PRKX: variants seen among roughly 807,000 people sequenced by gnomAD.
The protein encoded by PRKX is cAMP-dependent protein kinase catalytic subunit PRKX.
In PRKX, 12 loss-of-function variants were observed where a neutral mutation model predicts 22.0. The observed-to-expected ratio is 0.54, with a 90% CI of 0.35 to 0.88. The LOEUF is 0.88. PRKX is among the 40% of genes least tolerant of loss of function. The probability of loss-of-function intolerance (pLI) is 0.01; values close to 1 mark genes in which losing one functional copy is unlikely to be tolerated. For synonymous variants in PRKX, 134 were observed against 137.7 expected (o/e 0.97, Z 0.19); for missense variants, 217 against 308.0 (o/e 0.70, Z 2.21).
intron 8 of PRKX, chrX:3,611,024 A>G (rs1034110525): frequency 1.2e-4 from 13 of 112,106 alleles, no homozygotes; most frequent in African/African-American, 3.6e-4. Flanking sequence ...CTCTCATGTT[A>G]ATACAAACCA....
chrX:3,683,158 T>G (rs1422213514), intron 1 of PRKX, among the ~76,000 whole-genome samples: 2 of 111,835 alleles, frequency 1.8e-5, no homozygotes, highest in Non-Finnish European at 3.8e-5. Flanking sequence ...ACAATTAACT[T>G]CTGTTATTTT....
At chrX:3,614,437 A>C (rs374419904) in intron 7 of PRKX, among the ~76,000 whole-genome samples, 52 of 112,220 alleles carry the variant, frequency 4.6e-4, no homozygotes, top group African/African-American at 1.6e-3. Context: ...TGCAGTGAGC[A>C]AGATCGTGCC....
intron 4 of PRKX, among the ~76,000 whole-genome samples, chrX:3,631,280 T>C (rs1349336437): frequency 4.5e-5 from 5 of 112,307 alleles, no homozygotes; most frequent in Admixed American, 9.4e-5. Flanking sequence ...TTTTCACAGA[T>C]AGAATTAAGG....
At chrX:3,649,653 GATAGA>G (rs1927270855) in intron 3 of PRKX, among the ~76,000 whole-genome samples, 1 of 8,904 alleles carries the variant, frequency 1.1e-4, no homozygotes, top group African/African-American at 4.8e-4. Context: ...GGGAGGGGAG[GATAGA>G]GGAGGGGAGG....
rs867737216 is a variant in PRKX at position 3,632,841 on chromosome X, T to G, written c.720-6327A>C. Among the ~76,000 whole-genome samples, 23 of 112,445 alleles carry G rather than the reference T, an allele frequency of 2.0e-4. 1 individual carries two copies. The Middle Eastern group carries it at 0.019, about 91-fold the overall frequency. ...TGGCATTTGGCATTATTAAGCAAGT[T>G]AAATTGATCTGTGGTGACAGCTACA... On this transcript the variant is annotated intron_variant, in intron 4 of 8. Coordinates refer to ENST00000262848, the MANE Select transcript of PRKX (RefSeq NM_005044.5).
At chrX:3,627,630 T>C (rs1353256353) in intron 4 of PRKX, among the ~76,000 whole-genome samples, 2 of 108,931 alleles carry the variant, frequency 1.8e-5, no homozygotes, top group Admixed American at 2.0e-4. Context: ...CCAGCTAATT[T>C]TTGTATTTTT....
At chrX:3,656,626 G>T (rs374864206) in intron 2 of PRKX, among the ~76,000 whole-genome samples, 1 of 111,302 alleles carries the variant, frequency 9.0e-6, no homozygotes, top group East Asian at 2.8e-4. Context: ...GACAGGTGCT[G>T]AGGTCTGCAT....
chrX:3,698,086 G>T (rs1194646396), intron 1 of PRKX, among the ~76,000 whole-genome samples: 1 of 112,099 alleles, frequency 8.9e-6, no homozygotes, highest in East Asian at 2.8e-4. Context: ...TCCTGAGCAG[G>T]TGGGTGGGCC....
At chrX:3,630,657 G>T (rs1926761100) in intron 4 of PRKX, among the ~76,000 whole-genome samples, 1 of 112,127 alleles carries the variant, frequency 8.9e-6, no homozygotes. Flanking sequence ...GAAGGCGAAG[G>T]GGAAGCAAGG....
At chrX:3,613,514 T>C (rs1188073285) in intron 7 of PRKX, among the ~76,000 whole-genome samples, 6 of 109,562 alleles carry the variant, frequency 5.5e-5, no homozygotes, top group Non-Finnish European at 7.6e-5. Context: ...TGCAATTTAA[T>C]ACAATAAAGT....
At chrX:3,633,562 A>C (rs1340913570) in intron 4 of PRKX, among the ~76,000 whole-genome samples, 1 of 111,425 alleles carries the variant, frequency 9.0e-6, no homozygotes, top group Non-Finnish European at 1.9e-5. Context: ...AACTGTCTGC[A>C]AAAACAAAAA....
intron 1 of PRKX, among the ~76,000 whole-genome samples, chrX:3,697,024 AAACAAACAG>A (rs1211194586): frequency 4.3e-5 from 4 of 93,197 alleles, no homozygotes; most frequent in Non-Finnish European, 8.5e-5. Context: ...TCTCAAAAAC[AAACAAACAG>A]AACAAACAAA....
At chrX:3,614,491 AAATAAAT>A (rs1214568605) in intron 7 of PRKX, among the ~76,000 whole-genome samples, 1 of 111,816 alleles carries the variant, frequency 8.9e-6, no homozygotes, top group Non-Finnish European at 1.9e-5. Context: ...CTGTCTCAAA[AAATAAAT>A]AATAAATAAT....
intron 1 of PRKX, among the ~76,000 whole-genome samples, chrX:3,694,923 G>A (rs1198777714): frequency 3.6e-5 from 4 of 112,085 alleles, no homozygotes; most frequent in Non-Finnish European, 7.5e-5. Context: ...AGCCTCCAGA[G>A]GGAGCACAAT....
At chrX:3,666,911 TAA>T (rs35951668) in intron 2 of PRKX, among the ~76,000 whole-genome samples, 4 of 65,779 alleles carry the variant, frequency 6.1e-5, no homozygotes, top group African/African-American at 1.8e-4. Context: ...TCATTTCTTT[TAA>T]AAAAAAAAAA....
chrX:3,678,624 G>A (rs764188048), intron 1 of PRKX, among the ~76,000 whole-genome samples: 5 of 112,092 alleles, frequency 4.5e-5, no homozygotes, highest in Non-Finnish European at 9.4e-5. Flanking sequence ...TCCCGCCAAC[G>A]CCACAATCAG....
At chrX:3,712,787 G>A (rs768936587) in intron 1 of PRKX, among the ~76,000 whole-genome samples, 9 of 112,754 alleles carry the variant, frequency 8.0e-5, no homozygotes, top group East Asian at 2.8e-4. Context: ...GACGTCGGAC[G>A]GCCCAGGCCC....
intron 8 of PRKX, among the ~76,000 whole-genome samples, chrX:3,610,228 C>T (rs1926265025): frequency 8.9e-6 from 1 of 112,051 alleles, no homozygotes; most frequent in South Asian, 3.7e-4. Flanking sequence ...TGCCTGTAAT[C>T]CCAGCACTTT....
chrX:3,616,419 C>T (rs1926422213), intron 6 of PRKX, among the ~76,000 whole-genome samples: 1 of 111,563 alleles, frequency 9.0e-6, no homozygotes, highest in South Asian at 3.8e-4. Flanking sequence ...TTCAAGTCGG[C>T]CTGCTTCATG....
Sources: allele counts gnomAD v4.1 joint callset (sites outside exome capture counted in the v4.1 genomes callset), GRCh38; gene constraint gnomAD v4.1.1; transcripts MANE v1.5; gene names NCBI Gene and HGNC (gene_info 2026-07-23, HGNC 2026-07-21).